Variants in DNAH5 observed in about 807,000 individuals in gnomAD.
The protein encoded by DNAH5 is dynein axonemal heavy chain 5, also known as axonemal beta dynein heavy chain 5.
Under a neutral mutation model 518.2 loss-of-function variants are expected in DNAH5, and 372 were observed. The observed-to-expected ratio is 0.72, with a 90% confidence interval of 0.66 to 0.78. The LOEUF (loss-of-function observed/expected upper bound fraction) is 0.78, where lower values mean the gene tolerates loss of function less well. Among genes scored for constraint, DNAH5 ranks in the 30% least tolerant of loss-of-function variants. The pLI, the probability that DNAH5 is intolerant of heterozygous loss-of-function variation, is 0.00. For synonymous variants in DNAH5, 2,039 were observed against 2,025.9 expected (o/e 1.01, Z -0.17); for missense variants, 5,523 against 5,687.0 (o/e 0.97, Z 0.93).
At chr5:13,935,382 C>G (rs16902955) in intron 1 of DNAH5, among the ~76,000 whole-genome samples, 62,227 of 151,954 alleles carry the variant, frequency 0.41, 14,351 homozygotes, top group East Asian at 0.7. Flanking sequence ...TTAAATATCA[C>G]AGGAGAAAGA....
At chr5:13,891,918 G>A (rs1773277826) in intron 16 of DNAH5, among the ~76,000 whole-genome samples, 1 of 152,212 alleles carries the variant, frequency 6.6e-6, no homozygotes. Flanking sequence ...ATCCATCTAA[G>A]GGTAATACAT....
At chr5:13,779,667 C>T (rs1754802964) in intron 53 of DNAH5, among the ~76,000 whole-genome samples, 1 of 152,178 alleles carries the variant, frequency 6.6e-6, no homozygotes, top group Non-Finnish European at 1.5e-5. Context: ...GCTAATTATG[C>T]TTTCTCCCTG....
chr5:13,996,389 C>G (rs982580406), intron 1 of DNAH5, among the ~76,000 whole-genome samples: 6 of 152,178 alleles, frequency 3.9e-5, no homozygotes, highest in Non-Finnish European at 8.8e-5. Context: ...AAACTCTTAA[C>G]TGGTTCCAGC....
intron 47 of DNAH5, among the ~76,000 whole-genome samples, chr5:13,799,308 C>T (rs1758373754): frequency 6.6e-6 from 1 of 151,434 alleles, no homozygotes; most frequent in African/African-American, 2.4e-5. Flanking sequence ...GACTTCCAGA[C>T]ATTCCCATGT....
intron 70 of DNAH5, among the ~76,000 whole-genome samples, chr5:13,725,953 G>A (rs1745665572): frequency 6.6e-6 from 1 of 152,170 alleles, no homozygotes; most frequent in African/African-American, 2.4e-5. Context: ...CGCCTGACCT[G>A]TTGAGGATTT....
intron 61 of DNAH5, among the ~76,000 whole-genome samples, chr5:13,757,411 AT>A (rs1287164753): frequency 6.6e-6 from 1 of 152,174 alleles, no homozygotes; most frequent in African/African-American, 2.4e-5. Flanking sequence ...CTGGTGTGAG[AT>A]GGTAACTGAT....
intron 1 of DNAH5, among the ~76,000 whole-genome samples, chr5:13,982,081 T>C (rs559491411): frequency 6.6e-6 from 1 of 152,356 alleles, no homozygotes; most frequent in South Asian, 2.1e-4. Flanking sequence ...AATACTTCCC[T>C]CGTTATGCTT....
intron 1 of DNAH5, among the ~76,000 whole-genome samples, chr5:13,951,395 T>A (rs867885559): frequency 6.6e-6 from 1 of 151,716 alleles, no homozygotes; most frequent in African/African-American, 2.4e-5. Flanking sequence ...TTCTTACTTA[T>A]TTTTTGTAGA....
In DNAH5 at chr5:13,849,429, C is replaced by T. The variant is rs113835120; in HGVS notation, c.5114+1223G>A. Among the ~76,000 whole-genome samples, 557 of 152,282 alleles carry T rather than the reference C, an allele frequency of 3.7e-3. 4 individuals are homozygous for T. Among genetic ancestry groups the T allele is most frequent in the African/African-American group, 0.013 (530 of 41,554 alleles). ...GTGATAAGAAAGCAGATGGAGACTC[C>T]GCTCTGGGTTCCTTTTAATAGGATA... On this transcript the variant is annotated intron_variant, in intron 31 of 78. Transcript: ENST00000265104.
intron 32 of DNAH5, 112 bp downstream of exon 32, chr5:13,844,725 T>C: frequency 7.3e-7 from 1 of 1,374,560 alleles, no homozygotes; most frequent in Non-Finnish European, 1.0e-6. Flanking sequence ...GGCCAAGAGC[T>C]AATGAACAGG....
At chr5:13,998,414 G>T (rs1784116050) in intron 1 of DNAH5, among the ~76,000 whole-genome samples, 1 of 152,184 alleles carries the variant, frequency 6.6e-6, no homozygotes, top group Non-Finnish European at 1.5e-5. Context: ...ACATGAATTT[G>T]GGAGGGACAC....
At chr5:13,709,368 A>C (rs1490786583) in intron 75 of DNAH5, among the ~76,000 whole-genome samples, 1 of 152,062 alleles carries the variant, frequency 6.6e-6, no homozygotes, top group African/African-American at 2.4e-5. Flanking sequence ...TTAATCAAAG[A>C]TTTTTATTTT....
chr5:13,717,470 T>C lies in DNAH5; in HGVS notation c.12550A>G (p.Met4184Val), dbSNP rs1253394209. 3.7e-6 allele frequency: 6 copies of C among 1,614,170 alleles called. 1 individual carries two copies. Among genetic ancestry groups the C allele is most frequent in the Non-Finnish European group, 5.1e-6 (6 of 1,180,008 alleles). Reference protein sequence around the residue: ...DVSSGSQWKPMLYAVAFLHST... With the variant: ...DVSSGSQWKPVLYAVAFLHST... Reference sequence around the variant, plus strand: ...TGCAGGAAAGCCACTGCGTACAGCATGGGCTTCCACTGGGACCCAGAGCTC... The same window carrying C: ...TGCAGGAAAGCCACTGCGTACAGCACGGGCTTCCACTGGGACCCAGAGCTC... Residue 4184 changes from methionine to valine, a missense_variant, in exon 73 of 79, where the codon ATG (methionine) becomes GTG (valine). Met to Val is a conservative substitution (Grantham distance 21, BLOSUM62 1). Transcript: ENST00000265104.
intron 1 of DNAH5, among the ~76,000 whole-genome samples, chr5:13,971,136 G>A (rs545579744): frequency 5.9e-4 from 90 of 151,928 alleles, no homozygotes; most frequent in Non-Finnish European, 1.0e-3. Flanking sequence ...CAGAAGCTGT[G>A]ATTGTTTCCT....
At chr5:13,858,868 A>T (rs569464866) in intron 30 of DNAH5, among the ~76,000 whole-genome samples, 11 of 152,344 alleles carry the variant, frequency 7.2e-5, no homozygotes, top group Admixed American at 3.9e-4. Flanking sequence ...TTGAATAAGA[A>T]TCCTTGAGAA....
At chr5:13,851,550 T>G (rs1766838321) in intron 30 of DNAH5, among the ~76,000 whole-genome samples, 2 of 152,098 alleles carry the variant, frequency 1.3e-5, no homozygotes, top group Non-Finnish European at 2.9e-5. Flanking sequence ...GCTCAAGCAG[T>G]CTTCCCACCT....
chr5:13,768,512 C>T (rs1286275781), intron 58 of DNAH5, among the ~76,000 whole-genome samples: 4 of 152,188 alleles, frequency 2.6e-5, no homozygotes, highest in Non-Finnish European at 5.9e-5. Flanking sequence ...TGGAAGCCTG[C>T]TCAAACTCTC....
At position 13,837,981 on chromosome 5, in the gene DNAH5, T is replaced by G. The variant is rs6884139; in HGVS notation, c.5882+1375A>C. Among the ~76,000 whole-genome samples the G allele has an allele frequency of 9.1e-3, 1,391 of 152,256 alleles. 20 individuals are homozygous for G. Among genetic ancestry groups the G allele is most frequent in the African/African-American group, 0.032 (1,330 of 41,556 alleles). ...TCCCAAAGCGCTGGGATTACAAGCG[T>G]GAGCGAGCCACCATGCCCAGTCCAT... On this transcript the variant is annotated intron_variant, in intron 35 of 78. Coordinates refer to ENST00000265104, the MANE Select transcript of DNAH5 (RefSeq NM_001369.3).
chr5:13,721,636 T>C (rs1196617661), intron 70 of DNAH5, among the ~76,000 whole-genome samples: 3 of 152,234 alleles, frequency 2.0e-5, no homozygotes, highest in Non-Finnish European at 4.4e-5. Flanking sequence ...TAGAATGTAA[T>C]GGGTACTGAT....
Sources: allele counts gnomAD v4.1 joint callset (sites outside exome capture counted in the v4.1 genomes callset), GRCh38; gene constraint gnomAD v4.1.1; transcripts MANE v1.5; gene names NCBI Gene and HGNC (gene_info 2026-07-23, HGNC 2026-07-21).